NR3C2: variants seen among roughly 807,000 people sequenced by gnomAD.
The protein encoded by NR3C2 is nuclear receptor subfamily 3 group C member 2, also known as mineralocorticoid receptor.
In NR3C2, 15 loss-of-function variants were observed where a neutral mutation model predicts 86.4. The ratio of observed to expected loss-of-function variants is 0.17; its 90% CI spans 0.12 to 0.27. The LOEUF is 0.27. Ranked by LOEUF, NR3C2 falls within the 10% of genes least tolerant of loss-of-function variation. The probability of loss-of-function intolerance (pLI) is 1.00; values close to 1 mark genes in which losing one functional copy is unlikely to be tolerated. For missense variants in NR3C2, 960 were observed against 1,195.6 expected, an observed-to-expected ratio of 0.80 and a Z score of 2.91; for synonymous variants, 458 against 450.5, an observed-to-expected ratio of 1.02 and a Z score of -0.21.
intron 2 of NR3C2, among the ~76,000 whole-genome samples, chr4:148,414,681 T>C (rs1448531410): frequency 1.3e-5 from 2 of 152,224 alleles, no homozygotes; most frequent in Non-Finnish European, 2.9e-5. Flanking sequence ...CATTAAAGAC[T>C]TGTGGAAAAT....
At chr4:148,140,229 G>C (rs1406813446) in intron 6 of NR3C2, among the ~76,000 whole-genome samples, 1 of 152,170 alleles carries the variant, frequency 6.6e-6, no homozygotes, top group Non-Finnish European at 1.5e-5. Flanking sequence ...TCCAGGCTGG[G>C]CATGGTGTCT....
intron 2 of NR3C2, among the ~76,000 whole-genome samples, chr4:148,296,108 G>A (rs1235575534): frequency 6.9e-6 from 1 of 145,844 alleles, no homozygotes; most frequent in Non-Finnish European, 1.5e-5. Flanking sequence ...GACCAAGAGT[G>A]AACTTAGGAA....
chr4:148,422,687 C>T (rs894978236), intron 2 of NR3C2, among the ~76,000 whole-genome samples: 1 of 152,088 alleles, frequency 6.6e-6, no homozygotes, highest in Non-Finnish European at 1.5e-5. Context: ...CCATATGTCA[C>T]TATTTCTAAT....
chr4:148,118,910 A>G (rs2149732185), intron 7 of NR3C2, among the ~76,000 whole-genome samples: 1 of 151,990 alleles, frequency 6.6e-6, no homozygotes, highest in East Asian at 1.9e-4. Context: ...ACCCCCCATT[A>G]TTTCCACAGG....
At chr4:148,413,619 T>C (rs1457219387) in intron 2 of NR3C2, among the ~76,000 whole-genome samples, 3 of 152,060 alleles carry the variant, frequency 2.0e-5, no homozygotes, top group Non-Finnish European at 4.4e-5. Flanking sequence ...ATTAATACCT[T>C]TGACAAATCA....
At chr4:148,385,877 T>A (rs1039973347) in intron 2 of NR3C2, among the ~76,000 whole-genome samples, 1 of 152,184 alleles carries the variant, frequency 6.6e-6, no homozygotes, top group African/African-American at 2.4e-5. Flanking sequence ...CAGGATTATC[T>A]GAATTCACAC....
At chr4:148,087,694 A>C (rs1730878733) in intron 8 of NR3C2, among the ~76,000 whole-genome samples, 1 of 152,138 alleles carries the variant, frequency 6.6e-6, no homozygotes, top group Non-Finnish European at 1.5e-5. Context: ...CCTTCCTTAT[A>C]CCTTATACAA....
At chr4:148,275,311 T>C (rs145675811) in intron 2 of NR3C2, among the ~76,000 whole-genome samples, 1 of 152,336 alleles carries the variant, frequency 6.6e-6, no homozygotes, top group East Asian at 1.9e-4. Context: ...AGAAAATCTG[T>C]TGAGGTCTAA....
chr4:148,098,359 T>G (rs1281448889), intron 8 of NR3C2, among the ~76,000 whole-genome samples: 3 of 152,170 alleles, frequency 2.0e-5, no homozygotes, highest in Non-Finnish European at 4.4e-5. Flanking sequence ...AACACACATA[T>G]TTTCTCCATA....
chr4:148,082,251 T>C (rs1247357088), intron 8 of NR3C2, among the ~76,000 whole-genome samples: 1 of 152,150 alleles, frequency 6.6e-6, no homozygotes, highest in Non-Finnish European at 1.5e-5. Context: ...TCCTACTTTA[T>C]TAAAAAAAAA....
intron 2 of NR3C2, among the ~76,000 whole-genome samples, chr4:148,309,153 G>A (rs1742785136): frequency 6.6e-6 from 1 of 152,084 alleles, no homozygotes; most frequent in African/African-American, 2.4e-5. Context: ...TGATTATTAT[G>A]TGTCAATTTA....
In NR3C2 at chr4:148,435,878, C is replaced by T. The variant is rs1473048825; in HGVS notation, c.983G>A (p.Ser328Asn). The T allele has an allele frequency of 1.2e-6, 2 of 1,614,084 alleles. No individual in the cohort carries two copies. The highest frequency in any genetic ancestry group is 1.7e-6 in the Non-Finnish European group (2 of 1,180,038). ...NRSTLSSPAASTVGSICSPVN... is the reference protein window; with the variant it reads ...NRSTLSSPAANTVGSICSPVN... ...AGGGCTACAGATAGATCCCACAGTA[C>T]TGGCTGCCGGACTGGAAAGCGTGGA... Residue 328 changes from serine to asparagine, a missense_variant, in exon 2 of 9, where the codon AGT becomes AAT. Around this residue, in one of 4 missense-constraint regions of NR3C2, gnomAD observed 680 missense variants for 719.0 expected, o/e 0.95. Transcript: ENST00000358102.
chr4:148,414,942 T>C (rs1195334720), intron 2 of NR3C2, among the ~76,000 whole-genome samples: 1 of 152,234 alleles, frequency 6.6e-6, no homozygotes, highest in Admixed American at 6.5e-5. Flanking sequence ...ATTAGGGTTA[T>C]TAACAAAAGT....
intron 2 of NR3C2, among the ~76,000 whole-genome samples, chr4:148,424,655 A>T (rs1749441502): frequency 6.6e-6 from 1 of 152,158 alleles, no homozygotes; most frequent in Non-Finnish European, 1.5e-5. Flanking sequence ...CAAGTGCATT[A>T]TACTGAGTGA....
At chr4:148,319,484 C>T (rs62333577) in intron 2 of NR3C2, among the ~76,000 whole-genome samples, 17,578 of 149,864 alleles carry the variant, frequency 0.12, 1,073 homozygotes, top group South Asian at 0.25. Context: ...GCCATTTTCA[C>T]GATATTGATT....
At chr4:148,209,668 A>G (rs1737186475) in intron 3 of NR3C2, among the ~76,000 whole-genome samples, 1 of 152,202 alleles carries the variant, frequency 6.6e-6, no homozygotes, top group Non-Finnish European at 1.5e-5. Flanking sequence ...AGAAAGACTC[A>G]TTGATTTTAG....
intron 6 of NR3C2, among the ~76,000 whole-genome samples, chr4:148,149,405 T>G: frequency 6.6e-6 from 1 of 152,170 alleles, no homozygotes; most frequent in African/African-American, 2.4e-5. Flanking sequence ...ATTCCCAGCC[T>G]TCAAATATAA....
intron 2 of NR3C2, among the ~76,000 whole-genome samples, chr4:148,348,199 G>A (rs1472424789): frequency 6.6e-6 from 1 of 152,010 alleles, no homozygotes; most frequent in Admixed American, 6.6e-5. Context: ...ACTCTGTTTT[G>A]GTAAGTCTAA....
At chr4:148,107,232 C>G (rs1461313119) in intron 8 of NR3C2, among the ~76,000 whole-genome samples, 1 of 151,950 alleles carries the variant, frequency 6.6e-6, no homozygotes, top group Non-Finnish European at 1.5e-5. Flanking sequence ...ATGCAGCCAG[C>G]AAACATGAAA....
Sources: allele counts gnomAD v4.1 joint callset (sites outside exome capture counted in the v4.1 genomes callset), GRCh38; gene constraint gnomAD v4.1.1; regional missense constraint gnomAD v4.1.1; transcripts MANE v1.5; gene names NCBI Gene and HGNC (gene_info 2026-07-23, HGNC 2026-07-21).